Variants in RBBP4 observed in about 807,000 individuals in gnomAD.
The protein encoded by RBBP4 is histone-binding protein RBBP4.
RBBP4 carries 3 observed loss-of-function variants against 57.2 expected under a neutral mutation model. The observed-to-expected ratio is 0.05, with a 90% CI of 0.02 to 0.14. The LOEUF (loss-of-function observed/expected upper bound fraction) is 0.14, where lower values mean the gene tolerates loss of function less well. Ranked by LOEUF, RBBP4 falls within the 10% of genes least tolerant of loss-of-function variation. The probability of loss-of-function intolerance (pLI) is 1.00; values close to 1 mark genes in which losing one functional copy is unlikely to be tolerated. For synonymous variants in RBBP4, 151 were observed against 171.5 expected (o/e 0.88, Z 0.93); for missense variants, 107 against 520.6 (o/e 0.21, Z 7.73).
At position 32,668,447 on chromosome 1, in the gene RBBP4, A is replaced by G. The variant is rs375675900; in HGVS notation, c.484+49A>G. The G allele has an allele frequency of 2.5e-5, 37 of 1,493,724 alleles. No individual in the cohort carries two copies. In the African/African-American group the frequency reaches 4.7e-4, roughly 19 times the overall value. 92.5% of individuals were successfully genotyped at this position (1,493,724 alleles called of 1,614,324 possible). On this transcript the variant is annotated intron_variant, in intron 4 of 11. Transcript: ENST00000373493. ...TACAAATGAGTCACTATAGAAATACATGGTTCCACTCACTGTGAGTTTAAT... is the reference window on the plus strand; with the variant it reads ...TACAAATGAGTCACTATAGAAATACGTGGTTCCACTCACTGTGAGTTTAAT...
chr1:32,659,534 T>TG (rs1403161420), intron 3 of RBBP4, among the ~76,000 whole-genome samples: 12 of 29,966 alleles, frequency 4.0e-4, no homozygotes, highest in African/African-American at 1.2e-3. Flanking sequence ...CACTCCAGCC[T>TG]GGGCAAAAAA....
intron 3 of RBBP4, among the ~76,000 whole-genome samples, chr1:32,661,298 G>A (rs1490251366): frequency 5.4e-4 from 25 of 46,426 alleles, no homozygotes; most frequent in Non-Finnish European, 1.0e-3. Flanking sequence ...TCTATTTTTA[G>A]TTCCTTTTTT....
intron 11 of RBBP4, chr1:32,673,564 A>G (rs902245313): frequency 8.0e-6 from 3 of 375,802 alleles, no homozygotes; most frequent in Non-Finnish European, 1.5e-5. Context: ...CAGCCTTCTG[A>G]GTAGCTGGGA....
At chr1:32,662,969 G>A (rs778903487) in intron 3 of RBBP4, among the ~76,000 whole-genome samples, 55 of 151,898 alleles carry the variant, frequency 3.6e-4, no homozygotes, top group Non-Finnish European at 6.5e-4. Flanking sequence ...CCTGGGTGAC[G>A]AGCAAGACTC....
chr1:32,660,114 A>G (rs556475839), intron 3 of RBBP4, among the ~76,000 whole-genome samples: 78 of 152,134 alleles, frequency 5.1e-4, no homozygotes, highest in African/African-American at 1.3e-3. Context: ...TCTCCTGTTT[A>G]TTTATGTTTT....
At chr1:32,660,414 T>TTTTATTTATTTTTA (rs1329557728) in intron 3 of RBBP4, among the ~76,000 whole-genome samples, 27 of 12,668 alleles carry the variant, frequency 2.1e-3, no homozygotes, top group African/African-American at 4.8e-3. Context: ...TGGATTTTTA[T>TTTTATTTATTTTTA]TTTATTTATT....
chr1:32,680,179 C>G lies in RBBP4; in HGVS notation c.*474C>G, dbSNP rs1406689234. 1.8e-6 allele frequency: 2 copies of G among 1,091,116 alleles called. No homozygotes were observed. Among genetic ancestry groups the G allele is most frequent in the Non-Finnish European group, 2.2e-6 (2 of 898,520 alleles). 67.6% of individuals were successfully genotyped at this position (1,091,116 alleles called of 1,614,324 possible). ...CTCGAAAATCTTGACACCTGACTTT[C>G]CAGGATGCACATTTTCATACGTAGA... On this transcript the variant is annotated 3_prime_UTR_variant, in exon 12 of 12. Transcript: ENST00000373493.
In RBBP4 at chr1:32,656,881, A is replaced by G. The variant is rs143981934; in HGVS notation, c.165-546A>G. ...AGCAAAATTATTAGCATACCCAACAATGGTTTGCTTTCCCTCCAACCTGTT... is the reference window on the plus strand; with the variant it reads ...AGCAAAATTATTAGCATACCCAACAGTGGTTTGCTTTCCCTCCAACCTGTT... On this transcript the variant is annotated intron_variant, in intron 2 of 11. Coordinates refer to ENST00000373493, the MANE Select transcript of RBBP4 (RefSeq NM_005610.3). Among the ~76,000 whole-genome samples, 847 of 152,144 alleles carry G rather than the reference A, an allele frequency of 5.6e-3. 5 individuals are homozygous for G. Among genetic ancestry groups the G allele is most frequent in the Middle Eastern group, 0.027 (8 of 294 alleles).
In RBBP4 at chr1:32,681,040, C is replaced by CT. The variant is rs1649400351; in HGVS notation, c.*1338dup. The CT allele has an allele frequency of 6.5e-6, 1 of 153,044 alleles. No individual in the cohort carries two copies. Among genetic ancestry groups the CT allele is most frequent in the Non-Finnish European group, 1.5e-5 (1 of 68,366 alleles). 9.5% of individuals were successfully genotyped at this position (153,044 alleles called of 1,614,324 possible). A position where few individuals can be genotyped will look rare whatever the true frequency, so the allele number is the denominator to read the frequency against. On this transcript the variant is annotated 3_prime_UTR_variant, in exon 12 of 12. Coordinates refer to ENST00000373493, the MANE Select transcript of RBBP4 (RefSeq NM_005610.3). ...TCCCCAGTATGTTTTTCACTGGGGC[C>CT]TTTACTTAGGTTAGAAATAATAGGC... is the stretch of plus-strand genomic sequence containing the variant.
chr1:32,672,595 C>T, intron 9 of RBBP4, 47 bp from the exon 10 acceptor site: 3 of 1,603,174 alleles, frequency 1.9e-6, no homozygotes, highest in Non-Finnish European at 2.6e-6. Context: ...AAGGTAGTTA[C>T]TAAGGGTAAA....
intron 1 of RBBP4, 76 bp from the exon 2 acceptor site, chr1:32,651,838 T>A: frequency 2.7e-6 from 4 of 1,455,792 alleles, no homozygotes; most frequent in Non-Finnish European, 3.8e-6. Context: ...GCTGTAGGAG[T>A]CATGCAGGTG....
intron 11 of RBBP4, among the ~76,000 whole-genome samples, chr1:32,673,116 C>T (rs2148529531): frequency 1.3e-5 from 2 of 152,150 alleles, no homozygotes; most frequent in Admixed American, 1.3e-4. Flanking sequence ...ACAAAACTGA[C>T]CCTCTCTCCC....
rs750932098 is a variant in RBBP4 at position 32,679,907 on chromosome 1, T to C, written c.*202T>C. The C allele has an allele frequency of 6.2e-6, 8 of 1,297,092 alleles. No individual in the cohort carries two copies. Among genetic ancestry groups the C allele is most frequent in the African/African-American group, 1.5e-5 (1 of 64,932 alleles). The allele number at this position is 1,297,092 out of a possible 1,614,324, so 80.3% of individuals were successfully genotyped here. ...ATTCAACAAAGCCACAGACTTAACGTTGAAATTTTCTTCAGGAATTTTCTA... is the reference window on the plus strand; with the variant it reads ...ATTCAACAAAGCCACAGACTTAACGCTGAAATTTTCTTCAGGAATTTTCTA... On this transcript the variant is annotated 3_prime_UTR_variant, in exon 12 of 12. Transcript: ENST00000373493.
intron 2 of RBBP4, among the ~76,000 whole-genome samples, chr1:32,656,539 A>G (rs900982267): frequency 1.3e-5 from 2 of 151,926 alleles, no homozygotes; most frequent in Non-Finnish European, 2.9e-5. Context: ...TTTAGTAGAG[A>G]CCGGGTTTCA....
At position 32,669,615 on chromosome 1, in the gene RBBP4, G is replaced by T; in HGVS notation, c.966+52G>T. 1 of 1,566,842 alleles carries T rather than the reference G, an allele frequency of 6.4e-7. No individual in the cohort carries two copies. The highest frequency in any genetic ancestry group is 8.6e-7 in the Non-Finnish European group (1 of 1,160,530). ...GTTTGTTTTAAGAAAAACCTGCTGGGCGCGGTCGCTCACGCCTGTAATCCC... is the reference window on the plus strand; with the variant it reads ...GTTTGTTTTAAGAAAAACCTGCTGGTCGCGGTCGCTCACGCCTGTAATCCC... On this transcript the variant is annotated intron_variant, in intron 8 of 11. Coordinates refer to ENST00000373493, the MANE Select transcript of RBBP4 (RefSeq NM_005610.3). The surrounding 1 kb of genome is among the most constrained non-coding windows in gnomAD (Gnocchi z 4.9).
intron 3 of RBBP4, among the ~76,000 whole-genome samples, chr1:32,666,773 G>C (rs997724725): frequency 6.6e-6 from 1 of 152,106 alleles, no homozygotes; most frequent in Admixed American, 6.5e-5. Context: ...GTTAGAATAA[G>C]AATAGTTAAA....
chr1:32,655,916 T>C (rs1187291474), intron 2 of RBBP4, among the ~76,000 whole-genome samples: 1 of 152,218 alleles, frequency 6.6e-6, no homozygotes, highest in Non-Finnish European at 1.5e-5. Context: ...AAACAGTTAG[T>C]TGTGCCCCAC....
intron 5 of RBBP4, 30 bp downstream of exon 5, chr1:32,668,884 C>T (rs201113457): frequency 9.3e-6 from 15 of 1,612,344 alleles, no homozygotes; most frequent in Admixed American, 5.0e-5. Flanking sequence ...TGAAGCAAAT[C>T]TGGGCTAGTT....
chr1:32,655,514 C>A (rs1367115957), intron 2 of RBBP4, among the ~76,000 whole-genome samples: 1 of 152,136 alleles, frequency 6.6e-6, no homozygotes, highest in Non-Finnish European at 1.5e-5. Flanking sequence ...CTCTTCATTT[C>A]TTTTCAGTGT....
Sources: allele counts gnomAD v4.1 joint callset (sites outside exome capture counted in the v4.1 genomes callset), GRCh38; gene constraint gnomAD v4.1.1; non-coding constraint Gnocchi (gnomAD v3.1); transcripts MANE v1.5; gene names NCBI Gene and HGNC (gene_info 2026-07-23, HGNC 2026-07-21).